THSD4: variants seen among roughly 807,000 people sequenced by gnomAD.
THSD4 encodes the protein thrombospondin type 1 domain containing 4, also known as thrombospondin type-1 domain-containing protein 4.
Under a neutral mutation model 119.0 loss-of-function variants are expected in THSD4, and 69 were observed. The observed-to-expected ratio is 0.58, with a 90% confidence interval of 0.48 to 0.71. THSD4 has a LOEUF of 0.71. Among genes scored for constraint, THSD4 ranks in the 30% least tolerant of loss-of-function variants. THSD4 has a pLI of 0.00. For synonymous variants in THSD4, 524 were observed against 540.4 expected, an observed-to-expected ratio of 0.97 and a Z score of 0.42; for missense variants, 1,393 against 1,391.1, an observed-to-expected ratio of 1.00 and a Z score of -0.02.
chr15:71,531,218 T>C (rs899938853), intron 7 of THSD4, among the ~76,000 whole-genome samples: 1 of 152,154 alleles, frequency 6.6e-6, no homozygotes, highest in African/African-American at 2.4e-5. Flanking sequence ...GCTAAGGACT[T>C]CTTAAATTCA....
intron 7 of THSD4, among the ~76,000 whole-genome samples, chr15:71,576,071 A>G (rs983558566): frequency 6.6e-6 from 1 of 151,730 alleles, no homozygotes; most frequent in Non-Finnish European, 1.5e-5. Flanking sequence ...CTTTTATGAA[A>G]GGATAGTAAG....
chr15:71,539,953 G>A (rs2048735610), intron 7 of THSD4, among the ~76,000 whole-genome samples: 1 of 152,024 alleles, frequency 6.6e-6, no homozygotes, highest in African/African-American at 2.4e-5. Context: ...TTACACTGGA[G>A]ATAATCAGAG....
intron 3 of THSD4, chr15:71,184,009 T>G (rs1391939123): frequency 6.6e-6 from 1 of 151,836 alleles, no homozygotes; most frequent in Non-Finnish European, 1.5e-5. Flanking sequence ...GCACTATAGC[T>G]GCCCCCTGCA....
chr15:71,744,159 T>A (rs993025992), intron 11 of THSD4, among the ~76,000 whole-genome samples: 6 of 150,080 alleles, frequency 4.0e-5, no homozygotes, highest in African/African-American at 1.5e-4. Context: ...TTTTTTTTTT[T>A]TTTTTTTTTT....
chr15:71,671,965 C>T (rs1190125031), intron 8 of THSD4, among the ~76,000 whole-genome samples: 1 of 152,076 alleles, frequency 6.6e-6, no homozygotes, highest in Non-Finnish European at 1.5e-5. Flanking sequence ...CTTGGCAATG[C>T]GGGCTCTTTT....
chr15:71,434,879 A>G (rs11549692), intron 7 of THSD4, among the ~76,000 whole-genome samples: 97,421 of 152,004 alleles, frequency 0.64, 31,587 homozygotes, highest in Middle Eastern at 0.77. Context: ...AAAAACTAAA[A>G]GCATCTATCA....
At chr15:71,577,439 C>T (rs1433939484) in intron 7 of THSD4, among the ~76,000 whole-genome samples, 1 of 152,110 alleles carries the variant, frequency 6.6e-6, no homozygotes, top group Non-Finnish European at 1.5e-5. Context: ...TGGGGCTTGA[C>T]AGTTGTAAAA....
intron 6 of THSD4, chr15:71,341,149 A>G: frequency 7.2e-7 from 1 of 1,394,362 alleles, no homozygotes; most frequent in Non-Finnish European, 1.0e-6. Context: ...ATTTATTTTA[A>G]TGCTGAATTT....
At chr15:71,283,653 A>C (rs1461686196) in intron 6 of THSD4, among the ~76,000 whole-genome samples, 1 of 152,192 alleles carries the variant, frequency 6.6e-6, no homozygotes, top group Non-Finnish European at 1.5e-5. Flanking sequence ...GACATTATTA[A>C]GTTTAGGTTT....
intron 7 of THSD4, among the ~76,000 whole-genome samples, chr15:71,590,371 T>C (rs2049770476): frequency 1.4e-5 from 2 of 138,228 alleles, no homozygotes; most frequent in Admixed American, 7.4e-5. Flanking sequence ...ATTCTCATTA[T>C]GCAGCCATAA....
In THSD4 at chr15:71,256,826, T is replaced by C. The variant is rs922217040; in HGVS notation, c.1015+111T>C. ...GGTGTGATCCTGGCTGGGGTGTCAA[T>C]AGGGGAGAAAGTGTGACTCCAGGGC... On this transcript the variant is annotated intron_variant, in intron 6 of 17. Transcript: ENST00000261862. 3 of 958,992 alleles carry C rather than the reference T, an allele frequency of 3.1e-6. No individual in the cohort carries two copies. In the Admixed American group the frequency reaches 7.1e-5, roughly 23 times the overall value. 59.4% of individuals were successfully genotyped at this position (958,992 alleles called of 1,614,324 possible).
chr15:71,436,441 GAC>G (rs2047014123), intron 7 of THSD4, among the ~76,000 whole-genome samples: 1 of 152,212 alleles, frequency 6.6e-6, no homozygotes, highest in South Asian at 2.1e-4. Context: ...AGGAAAATGA[GAC>G]AGTTATTTTT....
At position 71,305,005 on chromosome 15, in the gene THSD4, G is replaced by A. The variant is rs530776669; in HGVS notation, c.1015+48290G>A. On this transcript the variant is annotated intron_variant, in intron 6 of 17. Transcript: ENST00000261862. ...GGCTTGTTTATAACACCTCTTTTCC[G>A]TGAATCACAGTGGTCCATCCAACAC... is the stretch of plus-strand genomic sequence containing the variant. Among the ~76,000 whole-genome samples the A allele has an allele frequency of 5.3e-5, 8 of 152,238 alleles. No individual in the cohort carries two copies. In the East Asian group the frequency reaches 5.8e-4, roughly 11 times the overall value.
At chr15:71,500,809 G>C (rs2048100464) in intron 7 of THSD4, among the ~76,000 whole-genome samples, 2 of 152,134 alleles carry the variant, frequency 1.3e-5, no homozygotes. Flanking sequence ...TTATTCTTGG[G>C]TTCTCTCTTC....
chr15:71,203,511 T>G (rs962641611), intron 3 of THSD4, among the ~76,000 whole-genome samples: 1 of 151,882 alleles, frequency 6.6e-6, no homozygotes, highest in African/African-American at 2.4e-5. Context: ...AAAAAAAAAT[T>G]AGCTGGGCAT....
intron 8 of THSD4, among the ~76,000 whole-genome samples, chr15:71,671,601 G>GT (rs1205084180): frequency 6.6e-6 from 1 of 152,168 alleles, no homozygotes; most frequent in Non-Finnish European, 1.5e-5. Flanking sequence ...TTCTTCTAGG[G>GT]TTTTTATGGT....
rs1208663649 is a variant in THSD4 at position 71,215,031 on chromosome 15, G to A, written c.100-4G>A. 7.9e-7 allele frequency: 1 copy of A among 1,272,568 alleles called. No individual in the cohort carries two copies. Among genetic ancestry groups the A allele is most frequent in the Non-Finnish European group, 1.0e-6 (1 of 1,003,594 alleles). The allele number at this position is 1,272,568 out of a possible 1,614,324, so 78.8% of individuals were successfully genotyped here. A position where few individuals can be genotyped will look rare whatever the true frequency, so the allele number is the denominator to read the frequency against. The stretch of plus-strand genomic sequence containing the variant: ...GGTCCCCTAACCTGCCTCTGTCTCC[G>A]CAGGTCCCGCAGCGGATGGCGGCGG... On this transcript the variant is annotated splice_polypyrimidine_tract_variant and splice_region_variant and intron_variant, in intron 3 of 17. Transcript: ENST00000261862.
chr15:71,636,787 G>C (rs2050753418), intron 7 of THSD4, among the ~76,000 whole-genome samples: 4 of 152,006 alleles, frequency 2.6e-5, no homozygotes. Flanking sequence ...TCTCTCCTCA[G>C]ACTCCCATGC....
At chr15:71,113,122 G>A (rs1037164213), upstream of THSD4, among the ~76,000 whole-genome samples, 1 of 152,234 alleles carries the variant, frequency 6.6e-6, no homozygotes. Context: ...CCAGGAGGTG[G>A]AGCCTGCAGT....
Sources: gnomAD v4.1 joint callset for allele counts (sites outside exome capture counted in the v4.1 genomes callset) on GRCh38, gnomAD v4.1.1 for gene constraint, MANE v1.5 for transcripts, NCBI Gene and HGNC (gene_info 2026-07-23, HGNC 2026-07-21) for gene names.